Variants in USP40 observed in about 807,000 individuals in gnomAD.
USP40 encodes ubiquitin specific peptidase 40.
In USP40, 143 loss-of-function variants were observed where a neutral mutation model predicts 166.2. The observed-to-expected ratio is 0.86, with a 90% CI of 0.75 to 0.99. The LOEUF (loss-of-function observed/expected upper bound fraction) is 0.99. Among genes scored for constraint, USP40 ranks in the 50% least tolerant of loss-of-function variants. USP40 has a pLI of 0.00. For missense variants in USP40, 1,444 were observed against 1,479.7 expected (o/e 0.98, Z 0.40); for synonymous variants, 498 against 524.0 (o/e 0.95, Z 0.68).
chr2:233,531,748 T>C (rs1269399740), intron 11 of USP40, among the ~76,000 whole-genome samples: 1 of 152,254 alleles, frequency 6.6e-6, no homozygotes, highest in Non-Finnish European at 1.5e-5. Flanking sequence ...AAATGATGGT[T>C]ATTCTCATTC....
intron 8 of USP40, among the ~76,000 whole-genome samples, chr2:233,542,787 C>T (rs1175677594): frequency 6.6e-6 from 1 of 152,150 alleles, no homozygotes; most frequent in Non-Finnish European, 1.5e-5. Flanking sequence ...CCTGGTTGAG[C>T]AATCCTGGAC....
At chr2:233,530,917 T>C (rs1369516173) in intron 11 of USP40, among the ~76,000 whole-genome samples, 1 of 152,330 alleles carries the variant, frequency 6.6e-6, no homozygotes, top group East Asian at 1.9e-4. Flanking sequence ...GCCCTAGTTT[T>C]TTCTTTCTTT....
At position 233,493,471 on chromosome 2, in the gene USP40, G is replaced by A; in HGVS notation, c.2871C>T (p.Asn957=). The A allele has an allele frequency of 6.2e-7, 1 of 1,613,966 alleles. No individual in the cohort carries two copies. The highest frequency in any genetic ancestry group is 1.1e-5 in the South Asian group (1 of 91,064). ...AAACTCTGCCCCAAGACGAAGTACAGTTGGTCTGGTCCTGATGACTCTCCC... is the reference window on the plus strand; with the variant it reads ...AAACTCTGCCCCAAGACGAAGTACAATTGGTCTGGTCCTGATGACTCTCCC... The part of the protein sequence containing the change: ...GHWESHQDQT[N]CTSSWGRVWR... Residue 957 remains asparagine (N), a synonymous_variant, in exon 25 of 32, where the codon AAC becomes AAT. Coordinates refer to ENST00000678225, the MANE Select transcript of USP40 (RefSeq NM_001365479.2). The surrounding 1 kb of genome is among the most constrained non-coding windows in gnomAD (Gnocchi z 4.7).
chr2:233,491,470 T>C (rs951819223), intron 25 of USP40: 5 of 573,924 alleles, frequency 8.7e-6, no homozygotes, highest in Admixed American at 3.0e-5. Context: ...GTGACACTTA[T>C]GCCCCTACCT....
intron 11 of USP40, among the ~76,000 whole-genome samples, chr2:233,532,670 A>G (rs2068633437): frequency 1.3e-5 from 2 of 152,158 alleles, no homozygotes; most frequent in Admixed American, 6.6e-5. Context: ...ACTTGCACTC[A>G]TGACCCTCTA....
chr2:233,551,610 GAC>G, intron 6 of USP40, 91 bp from the exon 7 acceptor site: 6 of 1,229,166 alleles, frequency 4.9e-6, no homozygotes, highest in Non-Finnish European at 6.7e-6. Flanking sequence ...AACAACCTAT[GAC>G]ACAGTTCTAA....
At chr2:233,554,605 G>A (rs1371479645) in intron 5 of USP40, 79 bp from the exon 6 acceptor site, 2 of 1,131,130 alleles carry the variant, frequency 1.8e-6, no homozygotes, top group African/African-American at 1.6e-5. Context: ...TATATATTGG[G>A]AATAATCAGA....
At chr2:233,489,726 C>A in intron 26 of USP40, 1 of 410,930 alleles carries the variant, frequency 2.4e-6, no homozygotes, top group Non-Finnish European at 4.3e-6. Flanking sequence ...TTCCCTCTCT[C>A]TAAATCTGAG....
chr2:233,561,135 C>A (rs558577976), intron 3 of USP40: 8 of 1,563,908 alleles, frequency 5.1e-6, no homozygotes, highest in Admixed American at 1.9e-5. Flanking sequence ...CGCTAAAACA[C>A]CCCAGTAAAT....
Position 233,540,752 on chromosome 2 carries a change from A to G in USP40, c.1080T>C (p.Ile360=), listed in dbSNP as rs770152304. ...AILLEEENNL[I]PVDQLGQKLL... is the part of the protein sequence containing the mutation. ...GTTTCTGGCCCAGCTGATCAACAGG[A>G]ATTAGATTATTCTCCTCCTTATGAG... Residue 360 remains isoleucine, a synonymous_variant, in exon 10 of 32, where the codon ATT becomes ATC. Coordinates refer to ENST00000678225, the MANE Select transcript of USP40 (RefSeq NM_001365479.2). 2 of 1,613,200 alleles carry G rather than the reference A, an allele frequency of 1.2e-6. No individual in the cohort carries two copies. Among genetic ancestry groups the G allele is most frequent in the Non-Finnish European group, 1.7e-6 (2 of 1,179,390 alleles).
At chr2:233,541,916 C>A (rs73996108) in intron 9 of USP40, among the ~76,000 whole-genome samples, 1,947 of 152,148 alleles carry the variant, frequency 0.013, 35 homozygotes, top group African/African-American at 0.044. Flanking sequence ...AAGTCATAAC[C>A]CAATTCCAAT....
chr2:233,542,283 T>C lies in USP40; in HGVS notation c.1047A>G (p.Lys349=). The C allele has an allele frequency of 6.5e-7, 1 of 1,546,628 alleles. No homozygotes were observed. Among genetic ancestry groups the C allele is most frequent in the Non-Finnish European group, 8.7e-7 (1 of 1,144,874 alleles). ...CATACTATACCTCTAATAAGATTGC[T>C]TTTAGAATCATCAGTGGATGATCAA... is the stretch of plus-strand genomic sequence containing the variant. The part of the protein sequence containing the change: ...EEIDHPLMIL[K]AILLEEENNL... The change falls in exon 9 of 32, where the codon AAA becomes AAG. Residue 349 remains lysine (K), a synonymous_variant. Coordinates refer to ENST00000678225, the MANE Select transcript of USP40 (RefSeq NM_001365479.2).
At chr2:233,501,079 A>G (rs1235403172) in intron 21 of USP40, among the ~76,000 whole-genome samples, 1 of 152,234 alleles carries the variant, frequency 6.6e-6, no homozygotes, top group African/African-American at 2.4e-5. Flanking sequence ...AAATGATGAT[A>G]AAAACACAGT....
At chr2:233,500,488 A>G (rs953653649) in intron 21 of USP40, among the ~76,000 whole-genome samples, 11 of 152,234 alleles carry the variant, frequency 7.2e-5, no homozygotes, top group African/African-American at 2.7e-4. Context: ...TGAGGGAAAA[A>G]CATTGCTAAT....
Position 233,491,205 on chromosome 2 carries a change from T to G in USP40, c.2974A>C (p.Ile992Leu), listed in dbSNP as rs1559220384. The G allele has an allele frequency of 6.2e-7, 1 of 1,611,754 alleles. No homozygotes were observed. Residue 992 changes from isoleucine (I) to leucine (L), a missense_variant, in exon 26 of 32, where the codon ATC (isoleucine) becomes CTC (leucine). Ile to Leu is a conservative substitution (Grantham distance 5). Transcript: ENST00000678225. ...VSLLYLGDIE[I>L]SEDATLAELK... ...TCCGCCAGCGTGGCATCTTCTGAGA[T>G]CTCTATGTCTCCCAAGTAGAGGAGA...
At chr2:233,551,309 T>A in intron 7 of USP40, 67 bp downstream of exon 7, 1 of 1,483,340 alleles carries the variant, frequency 6.7e-7, no homozygotes, top group Non-Finnish European at 9.0e-7. Context: ...CAACTGAAAA[T>A]CGGGTCAATA....
In USP40 at chr2:233,533,530, T is replaced by G. The variant is rs1342872673; in HGVS notation, c.1420A>C (p.Ser474Arg). The G allele has an allele frequency of 6.2e-7, 1 of 1,613,880 alleles. No individual in the cohort carries two copies. The highest frequency in any genetic ancestry group is 1.7e-5 in the Admixed American group (1 of 60,008). ...TTCCGATAAAACAACATGTAGGCAC[T>G]TTCTTTACCCTGAAATTGCTGTTCA... is the stretch of plus-strand genomic sequence containing the variant. ...DIEQQFQGKE[S>R]AYMLFYRKSQ... The change falls in exon 11 of 32, where the codon AGT (serine) becomes CGT (arginine). Residue 474 changes from serine to arginine, a missense_variant. Coordinates refer to ENST00000678225, the MANE Select transcript of USP40 (RefSeq NM_001365479.2).
intron 6 of USP40, 116 bp from the exon 7 acceptor site, chr2:233,551,635 A>T (rs1163443983): frequency 1.0e-6 from 1 of 991,942 alleles, no homozygotes; most frequent in Non-Finnish European, 1.4e-6. Context: ...GAAATATTAC[A>T]TAAACTCATT....
At position 233,526,797 on chromosome 2, in the gene USP40, C is replaced by T. The variant is rs372429090; in HGVS notation, c.1725+610G>A. Reference sequence around the variant, plus strand: ...CATTGAGTCTCTTTAAATCACACTGCCTCAACTTCAAAATGGGGCTAATGT... The same window carrying T: ...CATTGAGTCTCTTTAAATCACACTGTCTCAACTTCAAAATGGGGCTAATGT... On this transcript the variant is annotated intron_variant, in intron 13 of 31. Transcript: ENST00000678225. Among the ~76,000 whole-genome samples the T allele has an allele frequency of 1.5e-3, 225 of 152,146 alleles. 1 individual carries two copies. Among genetic ancestry groups the T allele is most frequent in the African/African-American group, 5.0e-3 (209 of 41,502 alleles).
Sources: allele counts gnomAD v4.1 joint callset (sites outside exome capture counted in the v4.1 genomes callset), GRCh38; gene constraint gnomAD v4.1.1; non-coding constraint Gnocchi (gnomAD v3.1); transcripts MANE v1.5; gene names NCBI Gene and HGNC (gene_info 2026-07-23, HGNC 2026-07-21).